LIFR: variants seen among roughly 807,000 people sequenced by gnomAD.
LIFR encodes LIF receptor subunit alpha, also known as leukemia inhibitory factor receptor.
LIFR carries 84 observed loss-of-function variants against 122.2 expected under a neutral mutation model. That is an observed-to-expected ratio of 0.69 (90% CI 0.58 to 0.82). LIFR has a LOEUF of 0.82. LIFR is among the 40% of genes least tolerant of loss of function. LIFR has a pLI of 0.00. For synonymous variants in LIFR, 422 were observed against 434.7 expected (o/e 0.97, Z 0.36); for missense variants, 1,294 against 1,311.6 (o/e 0.99, Z 0.21).
At chr5:38,561,272 G>T (rs567839137), upstream of LIFR, among the ~76,000 whole-genome samples, 1 of 152,242 alleles carries the variant, frequency 6.6e-6, no homozygotes, top group African/African-American at 2.4e-5. Flanking sequence ...TTTTTTTCTG[G>T]TGATTAACTT....
chr5:38,598,831 T>C (rs1407917834), upstream of LIFR, among the ~76,000 whole-genome samples: 1 of 152,244 alleles, frequency 6.6e-6, no homozygotes, highest in Non-Finnish European at 1.5e-5. Flanking sequence ...CGTAAGGAAC[T>C]CTTAGGCAGG....
intron 1 of LIFR, among the ~76,000 whole-genome samples, chr5:38,574,872 A>G (rs929965456): frequency 6.6e-6 from 1 of 152,134 alleles, no homozygotes; most frequent in South Asian, 2.1e-4. Flanking sequence ...TTTTACCTCT[A>G]TAGCTAGAAT....
At chr5:38,553,420 C>T (rs1377838564) in intron 1 of LIFR, among the ~76,000 whole-genome samples, 5 of 151,556 alleles carry the variant, frequency 3.3e-5, no homozygotes, top group African/African-American at 7.3e-5. Context: ...CCATCTCCTT[C>T]GCTGAGATTA....
upstream of LIFR, chr5:38,558,164 A>G (rs1489634142): frequency 6.6e-6 from 1 of 152,056 alleles, no homozygotes; most frequent in South Asian, 2.1e-4. Context: ...TTTTTGTGCT[A>G]ATACAATCTT....
At chr5:38,601,039 T>G (rs1750213173) in intron 2 of LIFR, among the ~76,000 whole-genome samples, 1 of 152,210 alleles carries the variant, frequency 6.6e-6, no homozygotes, top group African/African-American at 2.4e-5. Flanking sequence ...TGCTCAAAAT[T>G]CGTATGTTGA....
intron 11 of LIFR, among the ~76,000 whole-genome samples, chr5:38,501,433 A>C (rs1561148416): frequency 6.6e-6 from 1 of 152,224 alleles, no homozygotes; most frequent in East Asian, 1.9e-4. Context: ...AGCTTTTGCT[A>C]TCTTTTGTTA....
At chr5:38,490,711 T>A (rs1941046271) in intron 14 of LIFR, 1 of 153,262 alleles carries the variant, frequency 6.5e-6, no homozygotes, top group Admixed American at 6.5e-5. Context: ...GTGATTCTCC[T>A]GCCTCAGCCT....
intron 1 of LIFR, among the ~76,000 whole-genome samples, chr5:38,571,474 G>A (rs1190093406): frequency 7.5e-6 from 1 of 132,816 alleles, no homozygotes; most frequent in Non-Finnish European, 1.5e-5. Flanking sequence ...AGAGTCACCT[G>A]AATCCGGGAA....
chr5:38,544,556 AC>A (rs977520017), intron 1 of LIFR, among the ~76,000 whole-genome samples: 2 of 152,098 alleles, frequency 1.3e-5, no homozygotes, highest in Non-Finnish European at 2.9e-5. Flanking sequence ...AGAAAGGGGG[AC>A]AATTCCCTGC....
At chr5:38,570,717 A>G (rs1196705654) in intron 1 of LIFR, among the ~76,000 whole-genome samples, 1 of 152,236 alleles carries the variant, frequency 6.6e-6, no homozygotes, top group Non-Finnish European at 1.5e-5. Context: ...TAATAACGTT[A>G]GCCAATTTGT....
chr5:38,493,984 A>G (rs1405995751), intron 13 of LIFR, among the ~76,000 whole-genome samples, 199 bp from the exon 14 acceptor site: 2 of 152,198 alleles, frequency 1.3e-5, no homozygotes, highest in South Asian at 2.1e-4. Flanking sequence ...ACTTACCTGT[A>G]TACATAGATT....
chr5:38,495,919 TAAAG>T (rs768262768), intron 13 of LIFR, among the ~76,000 whole-genome samples: 318 of 152,034 alleles, frequency 2.1e-3, no homozygotes, highest in Admixed American at 4.7e-3. Flanking sequence ...TTTTAATCAA[TAAAG>T]AATTTCTATT....
At chr5:38,528,684 A>G in intron 3 of LIFR, 42 bp downstream of exon 3, 2 of 1,223,864 alleles carry the variant, frequency 1.6e-6, no homozygotes. Context: ...CGTTTCTGCA[A>G]TTCAACCTAG....
chr5:38,591,609 A>G (rs1749923722), intron 1 of LIFR, among the ~76,000 whole-genome samples: 1 of 152,240 alleles, frequency 6.6e-6, no homozygotes, highest in Non-Finnish European at 1.5e-5. Context: ...GAAGGACACC[A>G]TATAGACTAT....
intron 1 of LIFR, among the ~76,000 whole-genome samples, chr5:38,566,039 A>G (rs1484655376): frequency 6.6e-6 from 1 of 152,214 alleles, no homozygotes; most frequent in African/African-American, 2.4e-5. Context: ...ACATGGTCAG[A>G]ATGTCCTTGA....
intron 1 of LIFR, among the ~76,000 whole-genome samples, chr5:38,533,715 G>A (rs1747143897): frequency 6.6e-6 from 1 of 152,152 alleles, no homozygotes; most frequent in African/African-American, 2.4e-5. Context: ...GGCGGTGGTG[G>A]GGACAGGTAG....
chr5:38,584,420 A>G (rs1465357292), intron 1 of LIFR, among the ~76,000 whole-genome samples: 3 of 152,188 alleles, frequency 2.0e-5, no homozygotes, highest in African/African-American at 7.2e-5. Context: ...GTACTGTTCC[A>G]TAGCCAAGAC....
chr5:38,598,237 A>AT (rs1750153328), upstream of LIFR, among the ~76,000 whole-genome samples: 17 of 26,826 alleles, frequency 6.3e-4, no homozygotes, highest in East Asian at 1.1e-3. Flanking sequence ...TTTTTTATTT[A>AT]TTTATTTATT....
Position 38,528,713 on chromosome 5 carries a change from A to G in LIFR, c.257+13T>C, listed in dbSNP as rs781780999. 103 of 1,471,468 alleles carry G rather than the reference A, an allele frequency of 7.0e-5. No homozygotes were observed. The highest frequency in any genetic ancestry group is 9.2e-5 in the Non-Finnish European group (98 of 1,067,894). The allele number at this position is 1,471,468 out of a possible 1,614,324, so 91.2% of individuals were successfully genotyped here. A position where few individuals can be genotyped will look rare whatever the true frequency, so the allele number is the denominator to read the frequency against. On this transcript the variant is annotated intron_variant, in intron 3 of 19. Transcript: ENST00000453190. ...AACCTAGCTCATTGTGAATTAAAGT[A>G]AATTAAAATTACCTGTTTTCAATGC...
Sources: gnomAD v4.1 joint callset for allele counts (sites outside exome capture counted in the v4.1 genomes callset) on GRCh38, gnomAD v4.1.1 for gene constraint, MANE v1.5 for transcripts, NCBI Gene and HGNC (gene_info 2026-07-23, HGNC 2026-07-21) for gene names.